Variants in GRM5 observed in about 807,000 individuals in gnomAD.
GRM5 encodes the protein metabotropic glutamate receptor 5.
GRM5 carries 19 observed loss-of-function variants against 83.1 expected under a neutral mutation model. The ratio of observed to expected loss-of-function variants is 0.23; its 90% CI spans 0.16 to 0.34. GRM5 has a LOEUF of 0.34. GRM5 is among the 10% of genes least tolerant of loss of function. The pLI, the probability that GRM5 is intolerant of heterozygous loss-of-function variation, is 1.00. For synonymous variants in GRM5, 675 were observed against 633.6 expected (o/e 1.07, Z -0.98); for missense variants, 1,160 against 1,588.3 (o/e 0.73, Z 4.58).
chr11:88,917,582 C>T (rs996958924), intron 2 of GRM5, among the ~76,000 whole-genome samples: 1 of 152,050 alleles, frequency 6.6e-6, no homozygotes, highest in Non-Finnish European at 1.5e-5. Flanking sequence ...CAATGAAATT[C>T]AGGACATTAC....
intron 4 of GRM5, among the ~76,000 whole-genome samples, chr11:88,622,016 T>A (rs1294755487): frequency 6.6e-6 from 1 of 152,224 alleles, no homozygotes; most frequent in Non-Finnish European, 1.5e-5. Context: ...TGAAGCTCCC[T>A]CTTCTGAGTG....
intron 2 of GRM5, among the ~76,000 whole-genome samples, chr11:88,995,394 A>C (rs939408557): frequency 6.6e-6 from 1 of 151,760 alleles, no homozygotes; most frequent in African/African-American, 2.4e-5. Flanking sequence ...AAATACAAAA[A>C]ATTAGCCGGG....
At chr11:88,797,479 C>T (rs1943303724) in intron 3 of GRM5, among the ~76,000 whole-genome samples, 1 of 152,100 alleles carries the variant, frequency 6.6e-6, no homozygotes, top group Non-Finnish European at 1.5e-5. Context: ...TTAAAAAAAT[C>T]CTGAGAAAAT....
At chr11:88,604,580 C>T in intron 5 of GRM5, 138 bp downstream of exon 5, 1 of 720,120 alleles carries the variant, frequency 1.4e-6, no homozygotes, top group South Asian at 1.9e-5. Context: ...TCTATCTTTG[C>T]TCATTTGGGA....
chr11:88,943,170 C>T (rs1332489085), intron 2 of GRM5, among the ~76,000 whole-genome samples: 1 of 152,092 alleles, frequency 6.6e-6, no homozygotes, highest in African/African-American at 2.4e-5. Context: ...CTAAGACCAA[C>T]ATTATGTCTT....
intron 3 of GRM5, among the ~76,000 whole-genome samples, chr11:88,834,984 C>G (rs182677696): frequency 6.6e-6 from 1 of 151,944 alleles, no homozygotes; most frequent in Non-Finnish European, 1.5e-5. Context: ...GCCATTTTTC[C>G]CCCCCTGCAG....
intron 2 of GRM5, among the ~76,000 whole-genome samples, chr11:88,927,870 C>T (rs1945816573): frequency 1.3e-5 from 2 of 151,920 alleles, no homozygotes; most frequent in East Asian, 1.9e-4. Context: ...AATACATGCA[C>T]GTTATGATGA....
intron 2 of GRM5, among the ~76,000 whole-genome samples, chr11:88,892,344 A>G (rs1402102644): frequency 6.6e-6 from 1 of 151,940 alleles, no homozygotes; most frequent in African/African-American, 2.4e-5. Context: ...CTTAATCTGT[A>G]GTCAGTAAAG....
At chr11:88,940,206 T>TTTTAA (rs779673035) in intron 2 of GRM5, among the ~76,000 whole-genome samples, 42 of 151,714 alleles carry the variant, frequency 2.8e-4, no homozygotes, top group Non-Finnish European at 5.0e-4. Context: ...AAGAAACCAA[T>TTTTAA]TTTAATTTTC....
At chr11:89,003,003 T>TG (rs1185982520) in intron 2 of GRM5, among the ~76,000 whole-genome samples, 5 of 152,014 alleles carry the variant, frequency 3.3e-5, no homozygotes, top group Admixed American at 6.6e-5. Context: ...AGGATTTTTT[T>TG]TGTGTTCTTG....
chr11:88,936,061 G>A (rs1937882166), intron 2 of GRM5, among the ~76,000 whole-genome samples: 1 of 151,822 alleles, frequency 6.6e-6, no homozygotes, highest in South Asian at 2.1e-4. Context: ...AGAGCCAAGA[G>A]GAGAAGCTGA....
intron 4 of GRM5, among the ~76,000 whole-genome samples, chr11:88,647,243 C>T (rs1939484735): frequency 6.6e-6 from 1 of 151,944 alleles, no homozygotes; most frequent in South Asian, 2.1e-4. Flanking sequence ...TTGCAATGAG[C>T]CTATTTCTAA....
At chr11:88,920,736 T>C (rs1411219542) in intron 2 of GRM5, among the ~76,000 whole-genome samples, 4 of 152,184 alleles carry the variant, frequency 2.6e-5, no homozygotes, top group African/African-American at 4.8e-5. Flanking sequence ...TTCATTTTAC[T>C]TTAAGTTCTG....
chr11:88,917,803 CA>C (rs1041344543), intron 2 of GRM5, among the ~76,000 whole-genome samples: 1 of 150,732 alleles, frequency 6.6e-6, no homozygotes, highest in Non-Finnish European at 1.5e-5. Flanking sequence ...AAAGCAATAA[CA>C]AAAAAAATGA....
At chr11:88,556,437 C>G (rs1047660713) in intron 8 of GRM5, among the ~76,000 whole-genome samples, 1 of 151,716 alleles carries the variant, frequency 6.6e-6, no homozygotes, top group African/African-American at 2.4e-5. Context: ...ATTCTCCTGC[C>G]TCAGTCTCCC....
At chr11:88,698,060 C>T (rs150345492) in intron 3 of GRM5, among the ~76,000 whole-genome samples, 130 of 152,316 alleles carry the variant, frequency 8.5e-4, no homozygotes, top group African/African-American at 2.3e-3. Flanking sequence ...GCAATAGACT[C>T]AAAATTCTTT....
intron 2 of GRM5, among the ~76,000 whole-genome samples, chr11:88,856,467 C>A (rs9645611): frequency 6.6e-6 from 1 of 152,032 alleles, no homozygotes; most frequent in African/African-American, 2.4e-5. Flanking sequence ...AAGCTGTCAT[C>A]CCCTATGATA....
intron 8 of GRM5, among the ~76,000 whole-genome samples, chr11:88,540,419 GGAGGAAGGAGA>G (rs767259761): frequency 0.13 from 20,317 of 152,176 alleles, 1,539 homozygotes; most frequent in Non-Finnish European, 0.16. Context: ...GAGATGGGGT[GGAGGAAGGAGA>G]TTGGGATGTT....
intron 2 of GRM5, among the ~76,000 whole-genome samples, chr11:88,980,694 G>C (rs1939493348): frequency 6.6e-6 from 1 of 152,082 alleles, no homozygotes; most frequent in African/African-American, 2.4e-5. Context: ...GTGGTGGCAG[G>C]TGCCTGTAGT....
Sources: allele counts gnomAD v4.1 joint callset (sites outside exome capture counted in the v4.1 genomes callset), GRCh38; gene constraint gnomAD v4.1.1; transcripts MANE v1.5; gene names NCBI Gene and HGNC (gene_info 2026-07-23, HGNC 2026-07-21).